Variants in ALOX5 observed in about 807,000 individuals in gnomAD.
The protein encoded by ALOX5 is arachidonate 5-lipoxygenase.
A neutral mutation model predicts 87.9 loss-of-function variants in ALOX5; 64 were observed. The observed-to-expected ratio is 0.73, with a 90% CI of 0.60 to 0.90. The LOEUF is 0.90. Among genes scored for constraint, ALOX5 ranks in the 40% least tolerant of loss-of-function variants. The pLI is 0.00. For synonymous variants in ALOX5, 388 were observed against 355.1 expected, an observed-to-expected ratio of 1.09 and a Z score of -1.04; for missense variants, 822 against 907.5, an observed-to-expected ratio of 0.91 and a Z score of 1.21.
chr10:45,386,230 A>G (rs12358647), intron 2 of ALOX5, among the ~76,000 whole-genome samples: 34,333 of 151,364 alleles, frequency 0.23, 4,019 homozygotes, highest in African/African-American at 0.26. Flanking sequence ...GAACCTGGGA[A>G]GTGGAGCTTG....
chr10:45,374,475 C>T (rs1404110657), intron 1 of ALOX5, 46 bp downstream of exon 1: 7 of 1,460,982 alleles, frequency 4.8e-6, no homozygotes, highest in South Asian at 1.4e-5. Flanking sequence ...GAGGTGCGTC[C>T]GGGACCCGGT....
intron 2 of ALOX5, among the ~76,000 whole-genome samples, chr10:45,385,683 G>C (rs947450299): frequency 9.2e-5 from 14 of 152,184 alleles, no homozygotes; most frequent in Admixed American, 2.6e-4. Flanking sequence ...CATAGCCAAT[G>C]ATAACAGTTA....
chr10:45,377,319 C>T (rs926666443), intron 1 of ALOX5, among the ~76,000 whole-genome samples: 1 of 151,330 alleles, frequency 6.6e-6, no homozygotes, highest in African/African-American at 2.4e-5. Context: ...CCCTCTGAGC[C>T]ATCTTTTCCC....
At chr10:45,438,144 A>C (rs1295709475) in intron 7 of ALOX5, among the ~76,000 whole-genome samples, 1 of 136,804 alleles carries the variant, frequency 7.3e-6, no homozygotes, top group African/African-American at 2.8e-5. Flanking sequence ...TTTTTTTTTC[A>C]TTTGGATCCC....
intron 7 of ALOX5, among the ~76,000 whole-genome samples, chr10:45,435,189 G>A (rs1369994457): frequency 6.6e-6 from 1 of 152,134 alleles, no homozygotes; most frequent in African/African-American, 2.4e-5. Flanking sequence ...GAAGCAGAAG[G>A]GAGAGTGATG....
intron 4 of ALOX5, 39 bp downstream of exon 4, chr10:45,412,352 C>A (rs1841096549): frequency 6.2e-7 from 1 of 1,610,890 alleles, no homozygotes; most frequent in Non-Finnish European, 8.5e-7. Context: ...GGCAGCCCCT[C>A]CAGTGGCTGG....
intron 6 of ALOX5, among the ~76,000 whole-genome samples, chr10:45,426,088 T>TA (rs1367535485): frequency 6.6e-6 from 1 of 152,214 alleles, no homozygotes; most frequent in Non-Finnish European, 1.5e-5. Context: ...AGCTGACAGT[T>TA]ACAATCCCCC....
chr10:45,422,196 A>G (rs1419102932), intron 4 of ALOX5, among the ~76,000 whole-genome samples: 1 of 152,142 alleles, frequency 6.6e-6, no homozygotes, highest in East Asian at 1.9e-4. Flanking sequence ...TGCTGCCTTC[A>G]TGCATGTTCA....
intron 3 of ALOX5, among the ~76,000 whole-genome samples, chr10:45,403,584 T>C (rs540906159): frequency 2.0e-5 from 3 of 152,234 alleles, no homozygotes; most frequent in Non-Finnish European, 4.4e-5. Context: ...TGAGTGTGTG[T>C]GTGCATATAT....
intron 3 of ALOX5, among the ~76,000 whole-genome samples, chr10:45,399,619 CA>C (rs1840628464): frequency 6.6e-6 from 1 of 152,016 alleles, no homozygotes. Context: ...AGAGCACAGG[CA>C]GCAAAAGAAA....
At chr10:45,432,436 CA>C (rs1841936738) in intron 7 of ALOX5, among the ~76,000 whole-genome samples, 1 of 151,312 alleles carries the variant, frequency 6.6e-6, no homozygotes. Flanking sequence ...TACTGTTAAG[CA>C]GACACTGTGC....
Position 45,444,217 on chromosome 10 carries a change from G to A in ALOX5, c.1776G>A (p.Leu592=), listed in dbSNP as rs774942729. ...VVTIEQIVDT[L]PDRGRSCWHL... ...CCATTGAGCAGATCGTGGACACGCT[G>A]CCCGACCGCGGCCGCTCCTGCTGGC... Residue 592 remains leucine (L), a synonymous_variant, in exon 13 of 14, where the codon CTG becomes CTA. Coordinates refer to ENST00000374391, the MANE Select transcript of ALOX5 (RefSeq NM_000698.5). The A allele has an allele frequency of 3.9e-5, 61 of 1,554,714 alleles. No homozygotes were observed. Among genetic ancestry groups the A allele is most frequent in the Non-Finnish European group, 5.0e-5 (57 of 1,149,220 alleles).
chr10:45,382,484 T>G lies in ALOX5; in HGVS notation c.152T>G (p.Val51Gly). The change falls in exon 2 of 14, where the codon GTG (valine) becomes GGG (glycine). Residue 51 changes from valine (V) to glycine (G), a missense_variant and splice_region_variant. Coordinates refer to ENST00000374391, the MANE Select transcript of ALOX5 (RefSeq NM_000698.5). ...CTGATTGCCTGTTCTCCTTCCCAGG[T>G]GGATTCATACGACGTGACTGTGGAC... ...PFYNDFERGA[V>G]DSYDVTVDEE... 1 of 1,614,136 alleles carries G rather than the reference T, an allele frequency of 6.2e-7. No individual in the cohort carries two copies. Among genetic ancestry groups the G allele is most frequent in the Non-Finnish European group, 8.5e-7 (1 of 1,180,032 alleles).
At position 45,406,395 on chromosome 10, in the gene ALOX5, G is replaced by A. The variant is rs188153885; in HGVS notation, c.432-5796G>A. ...AACTTTCTAATAAATGTTAATGTCT[G>A]TTACATATCTCACTGTTCTTTCTTA... On this transcript the variant is annotated intron_variant, in intron 3 of 13. Transcript: ENST00000374391. Among the ~76,000 whole-genome samples, 647 of 152,268 alleles carry A rather than the reference G, an allele frequency of 4.2e-3. 6 individuals carry two copies. Among genetic ancestry groups the A allele is most frequent in the African/African-American group, 0.015 (614 of 41,556 alleles).
intron 2 of ALOX5, among the ~76,000 whole-genome samples, chr10:45,383,093 G>A (rs1417912440): frequency 6.6e-6 from 1 of 152,220 alleles, no homozygotes; most frequent in African/African-American, 2.4e-5. Context: ...TAGGGCTCAG[G>A]CAAGCTCAGG....
In ALOX5 at chr10:45,443,186, A is replaced by T. The variant is rs1429805605; in HGVS notation, c.1421A>T (p.Asp474Val). 1 of 1,613,638 alleles carries T rather than the reference A, an allele frequency of 6.2e-7. No individual in the cohort carries two copies. Among genetic ancestry groups the T allele is most frequent in the South Asian group, 1.1e-5 (1 of 91,080 alleles). ...ATCCCCTACTACTTCTACCGGGACG[A>T]CGGGCTCCTGGTGTGGGAAGCCATC... ...EDIPYYFYRDDGLLVWEAIRT... is the reference protein window; with the variant it reads ...EDIPYYFYRDVGLLVWEAIRT... The change falls in exon 10 of 14, where the codon GAC becomes GTC. Residue 474 changes from aspartate (D) to valine (V), a missense_variant. Physicochemically the swap from Asp to Val is radical, Grantham distance 152. Transcript: ENST00000374391.
At chr10:45,378,792 C>T (rs1358999013) in intron 1 of ALOX5, among the ~76,000 whole-genome samples, 2 of 152,206 alleles carry the variant, frequency 1.3e-5, no homozygotes, top group Non-Finnish European at 2.9e-5. Flanking sequence ...TTGTTCACCT[C>T]TTATCATATT....
At chr10:45,390,821 A>C (rs937645446) in intron 2 of ALOX5, among the ~76,000 whole-genome samples, 8 of 152,206 alleles carry the variant, frequency 5.3e-5, no homozygotes, top group African/African-American at 1.9e-4. Flanking sequence ...AGCTAGCAGA[A>C]GGCAAGAAAT....
chr10:45,442,019 G>A lies in ALOX5; in HGVS notation c.1272+589G>A, dbSNP rs75468791. 1.7e-3 allele frequency among the ~76,000 whole-genome samples: 265 copies of A among 152,254 alleles called. 9 individuals are homozygous for A. The East Asian group carries it at 0.045, about 26-fold the overall frequency. On this transcript the variant is annotated intron_variant, in intron 9 of 13. Coordinates refer to ENST00000374391, the MANE Select transcript of ALOX5 (RefSeq NM_000698.5). ...CAGCCCATTAGTGACCAGGCCAGAT[G>A]ACCACTGAAGTTGAGACACTGTTTG...
Sources: gnomAD v4.1 joint callset for allele counts (sites outside exome capture counted in the v4.1 genomes callset) on GRCh38, gnomAD v4.1.1 for gene constraint, MANE v1.5 for transcripts, NCBI Gene and HGNC (gene_info 2026-07-23, HGNC 2026-07-21) for gene names.